The following RCAN2 variants were observed in gnomAD, a reference collection of about 807,000 sequenced individuals.
The protein encoded by RCAN2 is regulator of calcineurin 2, also known as calcipressin-2.
Under a neutral mutation model 23.6 loss-of-function variants are expected in RCAN2, and 9 were observed. That is an observed-to-expected ratio of 0.38 (90% CI 0.23 to 0.67). The LOEUF is 0.67. Ranked by LOEUF, RCAN2 falls within the 30% of genes least tolerant of loss-of-function variation. The probability of loss-of-function intolerance (pLI) is 0.51; values close to 1 mark genes in which losing one functional copy is unlikely to be tolerated. For missense variants in RCAN2, 273 were observed against 302.3 expected, an observed-to-expected ratio of 0.90 and a Z score of 0.72; for synonymous variants, 109 against 115.7, an observed-to-expected ratio of 0.94 and a Z score of 0.37.
intron 2 of RCAN2, among the ~76,000 whole-genome samples, chr6:46,397,545 G>A (rs1455630204): frequency 6.6e-6 from 1 of 152,020 alleles, no homozygotes; most frequent in Non-Finnish European, 1.5e-5. Flanking sequence ...CTGGTGAAGG[G>A]TACATGAGAC....
intron 1 of RCAN2, among the ~76,000 whole-genome samples, chr6:46,475,941 A>T (rs1385651780): frequency 1.3e-5 from 2 of 152,230 alleles, no homozygotes; most frequent in Non-Finnish European, 2.9e-5. Context: ...TTTAACAGAC[A>T]TTCTCATGGA....
intron 2 of RCAN2, among the ~76,000 whole-genome samples, chr6:46,371,365 C>A (rs1223452951): frequency 6.6e-6 from 1 of 152,208 alleles, no homozygotes; most frequent in African/African-American, 2.4e-5. Flanking sequence ...ACTTGGGAAG[C>A]ATGAGCACAG....
chr6:46,418,531 A>G (rs1383882424), intron 2 of RCAN2, among the ~76,000 whole-genome samples: 1 of 151,836 alleles, frequency 6.6e-6, no homozygotes, highest in Non-Finnish European at 1.5e-5. Context: ...TCGTCTGACC[A>G]GTCTCAGTGT....
At chr6:46,241,027 G>A (rs1248254918) in intron 4 of RCAN2, among the ~76,000 whole-genome samples, 4 of 152,084 alleles carry the variant, frequency 2.6e-5, no homozygotes, top group Non-Finnish European at 5.9e-5. Flanking sequence ...TTTTCATATC[G>A]CTCCCTGCAG....
chr6:46,316,043 A>G (rs1178760949), intron 2 of RCAN2, among the ~76,000 whole-genome samples: 1 of 152,042 alleles, frequency 6.6e-6, no homozygotes, highest in Non-Finnish European at 1.5e-5. Context: ...GTCCCTTCTG[A>G]TGTAGGGTTC....
At chr6:46,490,145 G>A (rs1334799450) in intron 1 of RCAN2, among the ~76,000 whole-genome samples, 1 of 152,188 alleles carries the variant, frequency 6.6e-6, no homozygotes, top group African/African-American at 2.4e-5. Flanking sequence ...TGTTAAAGTT[G>A]TCCTACATTT....
chr6:46,270,733 C>G (rs1767495464), intron 2 of RCAN2, among the ~76,000 whole-genome samples: 1 of 152,208 alleles, frequency 6.6e-6, no homozygotes, highest in African/African-American at 2.4e-5. Flanking sequence ...TCTCAATGGC[C>G]TCTTCTGATG....
At chr6:46,410,975 C>G (rs950526235) in intron 2 of RCAN2, among the ~76,000 whole-genome samples, 1 of 152,174 alleles carries the variant, frequency 6.6e-6, no homozygotes, top group African/African-American at 2.4e-5. Context: ...GTTTGCCCAT[C>G]AACAACCCCA....
chr6:46,256,481 A>G (rs1561830890), intron 2 of RCAN2, among the ~76,000 whole-genome samples: 1 of 152,322 alleles, frequency 6.6e-6, no homozygotes, highest in Non-Finnish European at 1.5e-5. Flanking sequence ...ATCCAGGCCG[A>G]ACTCAGGCCA....
At chr6:46,425,170 C>T (rs1431342954) in intron 2 of RCAN2, among the ~76,000 whole-genome samples, 1 of 152,248 alleles carries the variant, frequency 6.6e-6, no homozygotes, top group Non-Finnish European at 1.5e-5. Flanking sequence ...TCTTAGAGAT[C>T]CATTATGCTT....
At chr6:46,333,099 A>T (rs1764035307) in intron 2 of RCAN2, among the ~76,000 whole-genome samples, 1 of 151,998 alleles carries the variant, frequency 6.6e-6, no homozygotes. Context: ...TGGCTGCCTA[A>T]ATGTCTTCTT....
chr6:46,449,775 CA>C (rs1222251545), intron 2 of RCAN2, among the ~76,000 whole-genome samples: 1 of 151,772 alleles, frequency 6.6e-6, no homozygotes. Flanking sequence ...TATCCACATT[CA>C]GAAGAATGAA....
In RCAN2 at chr6:46,366,541, G is replaced by C. The variant is rs111963570; in HGVS notation, c.225+90211C>G. Among the ~76,000 whole-genome samples the C allele has an allele frequency of 4.3e-3, 659 of 152,186 alleles. 2 individuals carry two copies. The highest frequency in any genetic ancestry group is 0.014 in the Middle Eastern group (4 of 294). On this transcript the variant is annotated intron_variant, in intron 2 of 4. Transcript: ENST00000371374. Reference sequence around the variant, plus strand: ...TAGGCCTTGATTTTCGGACTTTCATGTTCTTCTCTGCATTGACCTGTTTAG... The same window carrying C: ...TAGGCCTTGATTTTCGGACTTTCATCTTCTTCTCTGCATTGACCTGTTTAG...
At chr6:46,439,620 A>G (rs906427062) in intron 2 of RCAN2, among the ~76,000 whole-genome samples, 11 of 152,176 alleles carry the variant, frequency 7.2e-5, no homozygotes, top group African/African-American at 2.4e-4. Context: ...ACTTACTTAG[A>G]TATGTAAACT....
intron 2 of RCAN2, among the ~76,000 whole-genome samples, chr6:46,321,473 T>G (rs1763616215): frequency 6.6e-6 from 1 of 152,244 alleles, no homozygotes; most frequent in African/African-American, 2.4e-5. Flanking sequence ...CTTATAAGAT[T>G]TGTCATGTTT....
At chr6:46,383,089 CA>C (rs1765652273) in intron 2 of RCAN2, among the ~76,000 whole-genome samples, 1 of 151,056 alleles carries the variant, frequency 6.6e-6, no homozygotes, top group Non-Finnish European at 1.5e-5. Flanking sequence ...ACATGAAGTA[CA>C]AAGTAATAAA....
chr6:46,439,607 C>G (rs1470881553), intron 2 of RCAN2, among the ~76,000 whole-genome samples: 1 of 152,018 alleles, frequency 6.6e-6, no homozygotes, highest in African/African-American at 2.4e-5. Flanking sequence ...TGAAAGGGAC[C>G]ACACTTACTT....
chr6:46,467,088 G>A (rs796167986), intron 1 of RCAN2, among the ~76,000 whole-genome samples: 13 of 152,182 alleles, frequency 8.5e-5, no homozygotes, highest in African/African-American at 3.1e-4. Context: ...CACCTCTTGG[G>A]ACACTTACTT....
chr6:46,286,164 T>C (rs1161738908), intron 2 of RCAN2, among the ~76,000 whole-genome samples: 2 of 152,220 alleles, frequency 1.3e-5, no homozygotes, highest in Non-Finnish European at 2.9e-5. Context: ...AAACAGACTA[T>C]AAACTCCAGT....
Sources: gnomAD v4.1 joint callset for allele counts (sites outside exome capture counted in the v4.1 genomes callset) on GRCh38, gnomAD v4.1.1 for gene constraint, MANE v1.5 for transcripts, NCBI Gene and HGNC (gene_info 2026-07-23, HGNC 2026-07-21) for gene names.